Variants in BRI3BP observed in about 807,000 individuals in gnomAD.
The protein encoded by BRI3BP is BRI3 binding protein, also known as BRI3-binding protein.
Under a neutral mutation model 15.8 loss-of-function variants are expected in BRI3BP, and 7 were observed. The ratio of observed to expected loss-of-function variants is 0.44; its 90% CI spans 0.25 to 0.83. The LOEUF is 0.83. Ranked by LOEUF, BRI3BP falls within the 40% of genes least tolerant of loss-of-function variation. The pLI is 0.20. For synonymous variants in BRI3BP, 192 were observed against 163.5 expected, an observed-to-expected ratio of 1.17 and a Z score of -1.33; for missense variants, 320 against 339.3, an observed-to-expected ratio of 0.94 and a Z score of 0.45.
In BRI3BP at chr12:124,993,835, C is replaced by CCTG. The variant is rs61379857; in HGVS notation, c.72_74dup (p.Leu25dup). 0.29 allele frequency: 328,747 copies of CCTG among 1,146,310 alleles called. 34,467 individuals carry two copies. The highest frequency in any genetic ancestry group is 0.48 in the East Asian group (10,304 of 21,598). 71.0% of individuals were successfully genotyped at this position (1,146,310 alleles called of 1,614,324 possible). A position where few individuals can be genotyped will look rare whatever the true frequency, so the allele number is the denominator to read the frequency against. Reference sequence around the variant, plus strand: ...GCGGGCCCCTGGCCCGGGCCGGGCTCCTGCTGCTGCTGCTGCTGCTGCTGC... The same window carrying CCTG: ...GCGGGCCCCTGGCCCGGGCCGGGCTCCTGCTGCTGCTGCTGCTGCTGCTGCTGC... On this transcript the variant is annotated inframe_insertion, in exon 1 of 3. Transcript: ENST00000341446.
rs781619457 is a variant in BRI3BP at position 125,003,940 on chromosome 12, G to A, written c.214-8594G>A. On this transcript the variant is annotated intron_variant, in intron 1 of 2. Transcript: ENST00000341446. ...TGCACTCCAGCTTGGGCGACAGAGCGAGACTCCATCTCAAAAACACACACA... is the reference window on the plus strand; with the variant it reads ...TGCACTCCAGCTTGGGCGACAGAGCAAGACTCCATCTCAAAAACACACACA... 1.0e-4 allele frequency among the ~76,000 whole-genome samples: 15 copies of A among 149,536 alleles called. No individual in the cohort carries two copies. In the East Asian group the frequency reaches 1.4e-3, roughly 14 times the overall value.
chr12:125,009,283 CTTTTTTTTTTTTT>C (rs1217778458), intron 1 of BRI3BP, among the ~76,000 whole-genome samples: 2 of 66,568 alleles, frequency 3.0e-5, no homozygotes, highest in African/African-American at 1.1e-4. Context: ...ACCCAGCCAT[CTTTTTTTTTTTTT>C]TTTTTTTTTT....
chr12:125,011,577 G>A (rs1233206491), intron 1 of BRI3BP, among the ~76,000 whole-genome samples: 1 of 152,178 alleles, frequency 6.6e-6, no homozygotes, highest in Non-Finnish European at 1.5e-5. Flanking sequence ...ATATGTCTGT[G>A]CCATTATTCA....
the BRI3BP span, among the ~76,000 whole-genome samples, chr12:125,040,386 C>T: frequency 0.13 from 20,169 of 151,122 alleles, 1,715 homozygotes; most frequent in East Asian, 0.25. Context: ...CTCTTTTTGC[C>T]CAGGCTGGAG....
intron 1 of BRI3BP, among the ~76,000 whole-genome samples, chr12:125,002,308 G>A (rs6488971): frequency 0.075 from 9,398 of 124,626 alleles, 992 homozygotes; most frequent in African/African-American, 0.26. Context: ...CAGATGTACC[G>A]TTTTACCTGC....
rs1955362385 is a variant in BRI3BP, at chr12:125,027,148, T to G, written c.*1718T>G. ...TCCAGGTCTCAGTTTGGAGAAGATT[T>G]AGCTGTCTACCACTTCTTGTGTAGT... On this transcript the variant is annotated 3_prime_UTR_variant, in exon 3 of 3. Coordinates refer to ENST00000341446, the MANE Select transcript of BRI3BP (RefSeq NM_080626.6). 6.6e-6 allele frequency: 1 copy of G among 152,182 alleles called. No individual in the cohort carries two copies. Among genetic ancestry groups the G allele is most frequent in the African/African-American group, 2.4e-5 (1 of 41,432 alleles). 9.4% of individuals were successfully genotyped at this position (152,182 alleles called of 1,614,324 possible). A position where few individuals can be genotyped will look rare whatever the true frequency, so the allele number is the denominator to read the frequency against.
At position 125,025,304 on chromosome 12, in the gene BRI3BP, C is replaced by A; in HGVS notation, c.630C>A (p.Ser210Arg). Residue 210 changes from serine (S) to arginine (R), a missense_variant, in exon 3 of 3, where the codon AGC (serine) becomes AGA (arginine). By Grantham distance (110) the Ser-to-Arg change is moderately radical. Transcript: ENST00000341446. The part of the protein sequence containing the change: ...PMGFYWRSSP[S>R]GPSNPSNPSV... The stretch of plus-strand genomic sequence containing the variant: ...GCTTCTACTGGCGAAGCAGTCCCAG[C>A]GGCCCCAGCAACCCCAGCAACCCCA... 5.0e-6 allele frequency: 8 copies of A among 1,613,788 alleles called. No homozygotes were observed. In the Admixed American group the frequency reaches 5.0e-5, roughly 10 times the overall value.
intron 2 of BRI3BP, among the ~76,000 whole-genome samples, chr12:125,024,058 C>CA (rs1294955310): frequency 6.6e-6 from 1 of 151,952 alleles, no homozygotes; most frequent in African/African-American, 2.4e-5. Flanking sequence ...AAAACACAAA[C>CA]AAAAAAACCA....
chr12:125,002,444 GTT>G (rs60534735), intron 1 of BRI3BP, among the ~76,000 whole-genome samples: 8,577 of 142,476 alleles, frequency 0.06, 379 homozygotes, highest in Admixed American at 0.14. Flanking sequence ...TCCAGAACTG[GTT>G]TTTTTTTTTG....
rs371044965 is a variant in BRI3BP, at chr12:124,999,347, AT to A, written c.213+5345del. On this transcript the variant is annotated intron_variant, in intron 1 of 2. Transcript: ENST00000341446. ...AAGCAGCCAGATATTCTGAACATGT[AT>A]AAATATATGGATCTATAGATCTGCT... Among the ~76,000 whole-genome samples, 40 of 152,308 alleles carry A rather than the reference AT, an allele frequency of 2.6e-4. No individual in the cohort carries two copies. In the East Asian group the frequency reaches 6.9e-3, roughly 26 times the overall value.
chr12:125,047,655 C>CA, the BRI3BP span, among the ~76,000 whole-genome samples: 1 of 151,920 alleles, frequency 6.6e-6, no homozygotes, highest in Admixed American at 6.6e-5. Context: ...GGATTACAGG[C>CA]ATAAGCCACC....
the BRI3BP span, among the ~76,000 whole-genome samples, chr12:125,040,512 T>C: frequency 6.7e-6 from 1 of 148,744 alleles, no homozygotes; most frequent in Non-Finnish European, 1.5e-5. Flanking sequence ...ACCCAGCTAA[T>C]TTCGTATTTT....
downstream of BRI3BP, among the ~76,000 whole-genome samples, chr12:125,034,596 T>A (rs565149599): frequency 2.6e-5 from 4 of 151,950 alleles, no homozygotes; most frequent in Non-Finnish European, 4.4e-5. Flanking sequence ...TGTATTTTTT[T>A]TTTTTGGGCT....
Position 125,025,207 on chromosome 12 carries a change from A to AG in BRI3BP, c.536dup (p.Glu180ArgfsTer116). ...TGCGTGTACATCCTGCACAAGTACG[A>AG]GGGCGAGCCGGAGAACGCGGTGCTG... On this transcript the variant is annotated frameshift_variant, in exon 3 of 3. Coordinates refer to ENST00000341446, the MANE Select transcript of BRI3BP (RefSeq NM_080626.6). LOFTEE classifies it high-confidence loss of function. 6.2e-7 allele frequency: 1 copy of AG among 1,614,084 alleles called. No individual in the cohort carries two copies. Among genetic ancestry groups the AG allele is most frequent in the Non-Finnish European group, 8.5e-7 (1 of 1,180,022 alleles).
At chr12:125,021,849 G>T (rs774776283) in intron 2 of BRI3BP, among the ~76,000 whole-genome samples, 1 of 152,150 alleles carries the variant, frequency 6.6e-6, no homozygotes, top group African/African-American at 2.4e-5. Flanking sequence ...CCCTGGACAC[G>T]TGGGGATTAC....
At chr12:125,039,084 C>T in the BRI3BP span, among the ~76,000 whole-genome samples, 1 of 152,074 alleles carries the variant, frequency 6.6e-6, no homozygotes, top group East Asian at 1.9e-4. Flanking sequence ...AGCACAGTTC[C>T]ATCTCAAAAA....
intron 2 of BRI3BP, among the ~76,000 whole-genome samples, chr12:125,023,101 A>G (rs1215882469): frequency 6.6e-6 from 1 of 152,164 alleles, no homozygotes; most frequent in Non-Finnish European, 1.5e-5. Context: ...CTTGAGATGG[A>G]ACTTCGTGTG....
At chr12:125,043,560 T>TA in the BRI3BP span, among the ~76,000 whole-genome samples, 3 of 151,894 alleles carry the variant, frequency 2.0e-5, no homozygotes, top group Non-Finnish European at 4.4e-5. Flanking sequence ...TTTTTTTTTT[T>TA]TAATTAGCCA....
chr12:125,034,369 A>C (rs190980190), downstream of BRI3BP, among the ~76,000 whole-genome samples: 2 of 152,196 alleles, frequency 1.3e-5, no homozygotes, highest in Admixed American at 6.5e-5. Context: ...AAAGAAAAAC[A>C]AAAACAGCTT....
Sources: allele counts gnomAD v4.1 joint callset (sites outside exome capture counted in the v4.1 genomes callset), GRCh38; gene constraint gnomAD v4.1.1; transcripts MANE v1.5; gene names NCBI Gene and HGNC (gene_info 2026-07-23, HGNC 2026-07-21).